The following FRMD5 variants were observed in gnomAD, a reference collection of about 807,000 sequenced individuals.
FRMD5 encodes FERM domain-containing protein 5.
FRMD5 carries 20 observed loss-of-function variants against 69.0 expected under a neutral mutation model. That is an observed-to-expected ratio of 0.29 (90% confidence interval 0.20 to 0.42). The LOEUF is 0.42. FRMD5 is among the 10% of genes least tolerant of loss of function. The probability of loss-of-function intolerance (pLI) is 1.00; values close to 1 mark genes in which losing one functional copy is unlikely to be tolerated. For missense variants in FRMD5, 595 were observed against 708.6 expected (o/e 0.84, Z 1.82); for synonymous variants, 271 against 260.1 (o/e 1.04, Z -0.40).
At chr15:44,075,105 G>T (rs1044092272) in intron 1 of FRMD5, among the ~76,000 whole-genome samples, 5 of 152,112 alleles carry the variant, frequency 3.3e-5, no homozygotes, top group African/African-American at 1.2e-4. Context: ...GTATAAAATA[G>T]AACATGTTTG....
chr15:43,950,603 T>A (rs72716041), intron 1 of FRMD5, among the ~76,000 whole-genome samples: 7 of 152,296 alleles, frequency 4.6e-5, no homozygotes, highest in South Asian at 4.1e-4. Flanking sequence ...CTGCAGCTCC[T>A]AAATAATGTG....
chr15:44,077,331 G>A (rs542182246), intron 1 of FRMD5, among the ~76,000 whole-genome samples: 2 of 152,094 alleles, frequency 1.3e-5, no homozygotes, highest in Admixed American at 6.6e-5. Context: ...AGAGTAGCTT[G>A]AGGATTTGTT....
chr15:43,931,906 G>T (rs892330191), intron 1 of FRMD5, among the ~76,000 whole-genome samples: 2 of 152,192 alleles, frequency 1.3e-5, no homozygotes, highest in Non-Finnish European at 2.9e-5. Context: ...GGCACAGGGA[G>T]CAGAAAGGGG....
chr15:43,873,847 G>A lies in FRMD5; in HGVS notation c.*38C>T. The A allele has an allele frequency of 1.2e-6, 2 of 1,605,990 alleles. No individual in the cohort carries two copies. The highest frequency in any genetic ancestry group is 1.7e-6 in the Non-Finnish European group (2 of 1,175,028). On this transcript the variant is annotated 3_prime_UTR_variant, in exon 14 of 14. Coordinates refer to ENST00000417257, the MANE Select transcript of FRMD5 (RefSeq NM_032892.5). ...CTGGGAATGGGTAGCCGGGTTCCTT[G>A]GTCCACCTGGCTAGTTTTTGGGAGG...
chr15:43,961,323 C>A (rs2090196419), intron 1 of FRMD5, among the ~76,000 whole-genome samples: 1 of 152,068 alleles, frequency 6.6e-6, no homozygotes, highest in Non-Finnish European at 1.5e-5. Context: ...AGAAATTCCT[C>A]GACACATACA....
intron 1 of FRMD5, among the ~76,000 whole-genome samples, chr15:44,117,917 A>G (rs1370687151): frequency 6.6e-6 from 1 of 151,704 alleles, no homozygotes; most frequent in African/African-American, 2.4e-5. Flanking sequence ...CAGCCTTTAA[A>G]GGTTTGCTTT....
chr15:44,139,889 G>A (rs1277508246), intron 1 of FRMD5, among the ~76,000 whole-genome samples: 1 of 152,050 alleles, frequency 6.6e-6, no homozygotes, highest in African/African-American at 2.4e-5. Flanking sequence ...GACACAACTA[G>A]TCATGATGGG....
At chr15:44,078,731 A>T (rs1893876638) in intron 1 of FRMD5, among the ~76,000 whole-genome samples, 1 of 152,218 alleles carries the variant, frequency 6.6e-6, no homozygotes, top group Non-Finnish European at 1.5e-5. Flanking sequence ...GGATATCCAC[A>T]TGCAAAAGAA....
At chr15:43,887,721 TG>T (rs997978586) in intron 10 of FRMD5, among the ~76,000 whole-genome samples, 2 of 152,216 alleles carry the variant, frequency 1.3e-5, no homozygotes, top group Non-Finnish European at 2.9e-5. Context: ...TTCAGGTTAC[TG>T]GAACTGGGAC....
intron 1 of FRMD5, among the ~76,000 whole-genome samples, chr15:44,186,745 T>C (rs1032290342): frequency 6.6e-6 from 1 of 152,282 alleles, no homozygotes; most frequent in African/African-American, 2.4e-5. Flanking sequence ...ATCCCTTCTT[T>C]TTCTCCTTTT....
At chr15:44,073,805 A>C (rs1042008679) in intron 1 of FRMD5, among the ~76,000 whole-genome samples, 1 of 152,178 alleles carries the variant, frequency 6.6e-6, no homozygotes, top group Non-Finnish European at 1.5e-5. Flanking sequence ...TTCATATGAA[A>C]TTTTTAAAAT....
At chr15:43,893,668 G>A (rs1315969700) in intron 7 of FRMD5, among the ~76,000 whole-genome samples, 1 of 152,190 alleles carries the variant, frequency 6.6e-6, no homozygotes, top group Non-Finnish European at 1.5e-5. Context: ...CATGGAGTTA[G>A]GGCCAGACAC....
chr15:44,031,212 A>C (rs1161525154), intron 1 of FRMD5, among the ~76,000 whole-genome samples: 1 of 151,884 alleles, frequency 6.6e-6, no homozygotes, highest in Admixed American at 6.6e-5. Context: ...TGAAAAGTGC[A>C]AGAATATAAA....
At chr15:43,940,755 T>A (rs2089848113) in intron 1 of FRMD5, among the ~76,000 whole-genome samples, 1 of 152,126 alleles carries the variant, frequency 6.6e-6, no homozygotes, top group Non-Finnish European at 1.5e-5. Flanking sequence ...TAAATAGTAT[T>A]TAAGTGACCA....
intron 1 of FRMD5, among the ~76,000 whole-genome samples, chr15:44,170,529 A>C (rs1369775658): frequency 6.6e-6 from 1 of 152,164 alleles, no homozygotes; most frequent in Non-Finnish European, 1.5e-5. Flanking sequence ...TATCCAAAAA[A>C]AAAAAAAACT....
intron 13 of FRMD5, among the ~76,000 whole-genome samples, chr15:43,880,416 C>G (rs1240426750): frequency 6.6e-6 from 1 of 152,158 alleles, no homozygotes; most frequent in Non-Finnish European, 1.5e-5. Flanking sequence ...CAGTGCCTGT[C>G]AGGACCTTTA....
intron 1 of FRMD5, among the ~76,000 whole-genome samples, chr15:44,139,580 A>G (rs1052840253): frequency 6.6e-6 from 1 of 151,686 alleles, no homozygotes; most frequent in Non-Finnish European, 1.5e-5. Context: ...TAAGATAAAA[A>G]ACAAATTTGG....
chr15:43,988,901 C>T (rs1403848641), intron 1 of FRMD5, among the ~76,000 whole-genome samples: 2 of 152,160 alleles, frequency 1.3e-5, no homozygotes, highest in Non-Finnish European at 2.9e-5. Flanking sequence ...TCACTCCAAC[C>T]AACTGCTGTC....
intron 4 of FRMD5, among the ~76,000 whole-genome samples, chr15:43,911,007 TTGGA>T (rs1222633390): frequency 1.3e-5 from 2 of 152,228 alleles, no homozygotes; most frequent in Non-Finnish European, 2.9e-5. Context: ...GTTTCACTAG[TTGGA>T]TGGACCCTGT....
Sources: allele counts gnomAD v4.1 joint callset (sites outside exome capture counted in the v4.1 genomes callset), GRCh38; gene constraint gnomAD v4.1.1; transcripts MANE v1.5; gene names NCBI Gene and HGNC (gene_info 2026-07-23, HGNC 2026-07-21).